CENPE: variants seen among roughly 807,000 people sequenced by gnomAD.
The protein encoded by CENPE is centromere-associated protein E.
Under a neutral mutation model 336.1 loss-of-function variants are expected in CENPE, and 145 were observed. That is an observed-to-expected ratio of 0.43 (90% CI 0.38 to 0.50). The LOEUF (loss-of-function observed/expected upper bound fraction) is 0.50. CENPE is among the 20% of genes least tolerant of loss of function. CENPE has a pLI of 0.00. For synonymous variants in CENPE, 1,013 were observed against 984.8 expected (o/e 1.03, Z -0.54); for missense variants, 2,719 against 3,023.3 (o/e 0.90, Z 2.36).
chr4:103,138,523 TC>T lies in CENPE; in HGVS notation c.6205-75del, dbSNP rs148919549. On this transcript the variant is annotated intron_variant, in intron 38 of 48. Transcript: ENST00000265148. ...CACATATAATGTCTAATCGCACACT[TC>T]TAAATTACATGACATTTCAATAATG... The T allele has an allele frequency of 0.017, 15,743 of 899,908 alleles. 211 individuals are homozygous for T. The highest frequency in any genetic ancestry group is 0.022 in the Non-Finnish European group (11,810 of 545,036). The allele number at this position is 899,908 out of a possible 1,614,324, so 55.7% of individuals were successfully genotyped here.
At chr4:103,172,274 T>C (rs1249621321) in intron 16 of CENPE, among the ~76,000 whole-genome samples, 1 of 151,980 alleles carries the variant, frequency 6.6e-6, no homozygotes, top group Admixed American at 6.6e-5. Flanking sequence ...GTGGGATTTA[T>C]CCCAGGAATA....
intron 16 of CENPE, among the ~76,000 whole-genome samples, chr4:103,166,542 A>G (rs1185625993): frequency 1.3e-5 from 2 of 152,250 alleles, no homozygotes; most frequent in Non-Finnish European, 2.9e-5. Context: ...TACCTATGAA[A>G]TAAAGCAATA....
chr4:103,175,906 A>C, intron 15 of CENPE, 54 bp downstream of exon 15: 1 of 1,151,160 alleles, frequency 8.7e-7, no homozygotes, highest in Admixed American at 2.3e-5. Flanking sequence ...CCTAATAACA[A>C]AAGAATTTTA....
chr4:103,197,583 T>G (rs1757835945), intron 1 of CENPE, among the ~76,000 whole-genome samples: 1 of 152,250 alleles, frequency 6.6e-6, no homozygotes, highest in Non-Finnish European at 1.5e-5. Flanking sequence ...TAAAAATTTC[T>G]CACACACACA....
At chr4:103,134,678 A>G (rs1183078559) in intron 40 of CENPE, among the ~76,000 whole-genome samples, 1 of 150,170 alleles carries the variant, frequency 6.7e-6, no homozygotes, top group Non-Finnish European at 1.5e-5. Flanking sequence ...TGTCAAGCAT[A>G]TTTAGATATT....
intron 16 of CENPE, among the ~76,000 whole-genome samples, chr4:103,167,228 T>G (rs1034210332): frequency 6.6e-6 from 1 of 152,170 alleles, no homozygotes; most frequent in Admixed American, 6.5e-5. Context: ...AAATTCATAC[T>G]GATCTCAGTA....
At chr4:103,189,030 C>G (rs1223003876) in intron 8 of CENPE, among the ~76,000 whole-genome samples, 1 of 152,156 alleles carries the variant, frequency 6.6e-6, no homozygotes, top group African/African-American at 2.4e-5. Flanking sequence ...TGCAAATAAA[C>G]TAGAAAATCT....
chr4:103,196,301 T>A (rs775357829), intron 2 of CENPE, 49 bp from the exon 3 acceptor site: 10 of 1,346,622 alleles, frequency 7.4e-6, no homozygotes, highest in Admixed American at 1.7e-5. Flanking sequence ...ATCAAATGAG[T>A]CCACTGTGTT....
chr4:103,126,723 A>T (rs1200594136), intron 42 of CENPE, among the ~76,000 whole-genome samples: 1 of 152,216 alleles, frequency 6.6e-6, no homozygotes, highest in Non-Finnish European at 1.5e-5. Context: ...TGTAAGAAGA[A>T]ACATAGAAAT....
chr4:103,196,879 C>T (rs1677382960), intron 1 of CENPE, 29 bp from the exon 2 acceptor site: 8 of 1,122,332 alleles, frequency 7.1e-6, no homozygotes, highest in Admixed American at 1.8e-5. Context: ...CGCATTTTAA[C>T]CAGTCATAAA....
intron 42 of CENPE, among the ~76,000 whole-genome samples, chr4:103,126,930 C>T (rs960463624): frequency 2.0e-5 from 3 of 151,372 alleles, no homozygotes; most frequent in African/African-American, 7.3e-5. Context: ...TAGAAGTGTG[C>T]AGTAATTATA....
chr4:103,187,648 G>C (rs927669432), intron 8 of CENPE, among the ~76,000 whole-genome samples: 79 of 152,256 alleles, frequency 5.2e-4, no homozygotes, highest in Middle Eastern at 3.4e-3. Context: ...CCTGAAGGAA[G>C]CACTAAACAT....
chr4:103,160,953 A>T (rs1457906347), intron 20 of CENPE, 133 bp downstream of exon 20: 2 of 939,694 alleles, frequency 2.1e-6, no homozygotes, highest in Non-Finnish European at 3.1e-6. Context: ...AATGAAACTA[A>T]AACGTAATAT....
At chr4:103,166,440 C>T (rs1462663239) in intron 16 of CENPE, among the ~76,000 whole-genome samples, 1 of 152,174 alleles carries the variant, frequency 6.6e-6, no homozygotes, top group African/African-American at 2.4e-5. Context: ...TTTTGTCATG[C>T]ATGACATTTT....
At chr4:103,126,934 A>C (rs1446508483) in intron 42 of CENPE, among the ~76,000 whole-genome samples, 1 of 152,016 alleles carries the variant, frequency 6.6e-6, no homozygotes, top group East Asian at 1.9e-4. Context: ...AGTGTGCAGT[A>C]ATTATAAAAG....
In CENPE at chr4:103,133,770, A is replaced by C. The variant is rs112212702; in HGVS notation, c.6645T>G (p.Leu2215=). The C allele has an allele frequency of 5.6e-5, 90 of 1,612,078 alleles. No individual in the cohort carries two copies. Among genetic ancestry groups the C allele is most frequent in the Non-Finnish European group, 1.0e-5 (12 of 1,178,866 alleles). ...TGGATGGTACATCACAATCTTGTTG[A>C]AGGTGCTGTATTTTAATTAGCAATT... is the stretch of plus-strand genomic sequence containing the variant. ...QKELLIKIQH[L]QQDCDVPSRE... Residue 2215 remains leucine (L), a synonymous_variant, in exon 41 of 49, where the codon CTT becomes CTG. Coordinates refer to ENST00000265148, the MANE Select transcript of CENPE (RefSeq NM_001813.3).
At chr4:103,106,448 T>C in intron 48 of CENPE, 132 bp from the exon 49 acceptor site, 1 of 542,056 alleles carries the variant, frequency 1.8e-6, no homozygotes, top group Non-Finnish European at 3.1e-6. Flanking sequence ...ATTCACCGTG[T>C]TTGGTCATGA....
At chr4:103,110,578 C>T (rs552445442) in intron 47 of CENPE, among the ~76,000 whole-genome samples, 2 of 152,258 alleles carry the variant, frequency 1.3e-5, no homozygotes, top group Admixed American at 1.3e-4. Context: ...GCTGCCCCCT[C>T]AAAGGTCTTT....
At chr4:103,132,654 C>G (rs1489854499) in intron 42 of CENPE, 39 bp downstream of exon 42, 1 of 1,079,862 alleles carries the variant, frequency 9.3e-7, no homozygotes, top group African/African-American at 1.6e-5. Context: ...TTAAAGCAAA[C>G]AGCAACAAAA....
Sources: gnomAD v4.1 joint callset for allele counts (sites outside exome capture counted in the v4.1 genomes callset) on GRCh38, gnomAD v4.1.1 for gene constraint, MANE v1.5 for transcripts, NCBI Gene and HGNC (gene_info 2026-07-23, HGNC 2026-07-21) for gene names.